The following ATP13A5 variants were observed in gnomAD, a reference collection of about 807,000 sequenced individuals.
The protein encoded by ATP13A5 is probable cation-transporting ATPase 13A5.
A neutral mutation model predicts 150.2 loss-of-function variants in ATP13A5; 149 were observed. The ratio of observed to expected loss-of-function variants is 0.99; its 90% confidence interval spans 0.87 to 1.14. ATP13A5 has a LOEUF of 1.14. ATP13A5 is among the 50% of genes most tolerant of loss of function. The pLI, the probability that ATP13A5 is intolerant of heterozygous loss-of-function variation, is 0.00. For synonymous variants in ATP13A5, 497 were observed against 522.2 expected, an observed-to-expected ratio of 0.95 and a Z score of 0.66; for missense variants, 1,383 against 1,449.3, an observed-to-expected ratio of 0.95 and a Z score of 0.74.
intron 9 of ATP13A5, among the ~76,000 whole-genome samples, chr3:193,336,647 T>C (rs1455243111): frequency 6.6e-6 from 1 of 152,230 alleles, no homozygotes; most frequent in African/African-American, 2.4e-5. Context: ...TGATGGGCAC[T>C]TGGGTTGGTT....
intron 21 of ATP13A5, among the ~76,000 whole-genome samples, chr3:193,308,346 C>T (rs1718700090): frequency 6.6e-6 from 1 of 152,086 alleles, no homozygotes; most frequent in African/African-American, 2.4e-5. Context: ...GTAATCTCAG[C>T]TACTTGGGAG....
chr3:193,302,682 TCTCTGCCCTAAAG>T (rs1718447737), intron 23 of ATP13A5, among the ~76,000 whole-genome samples: 1 of 152,166 alleles, frequency 6.6e-6, no homozygotes, highest in South Asian at 2.1e-4. Flanking sequence ...TAAGACACAG[TCTCTGCCCTAAAG>T]GACTTGAACT....
intron 8 of ATP13A5, among the ~76,000 whole-genome samples, 187 bp downstream of exon 8, chr3:193,344,816 G>T (rs972350879): frequency 2.6e-5 from 4 of 152,112 alleles, no homozygotes; most frequent in African/African-American, 9.7e-5. Context: ...GCAGCTGTGG[G>T]GTCAGCACTG....
chr3:193,320,521 A>G (rs1399773273), intron 16 of ATP13A5, among the ~76,000 whole-genome samples: 1 of 152,232 alleles, frequency 6.6e-6, no homozygotes, highest in East Asian at 1.9e-4. Flanking sequence ...AATGTCAAGA[A>G]GATGCTCAGC....
intron 7 of ATP13A5, among the ~76,000 whole-genome samples, chr3:193,347,218 A>G (rs1353248327): frequency 2.0e-5 from 3 of 152,212 alleles, no homozygotes; most frequent in African/African-American, 7.2e-5. Flanking sequence ...ATTTATAAAT[A>G]GTTTAAAACA....
At position 193,337,063 on chromosome 3, in the gene ATP13A5, C is replaced by T. The variant is rs920259535; in HGVS notation, c.944-1964G>A. Among the ~76,000 whole-genome samples, 762 of 152,162 alleles carry T rather than the reference C, an allele frequency of 5.0e-3. 6 individuals are homozygous for T. The highest frequency in any genetic ancestry group is 0.017 in the African/African-American group (687 of 41,526). The stretch of plus-strand genomic sequence containing the variant: ...TTGAGAAGTGTCTGTTCATATCCTT[C>T]GCCCACTTTTTGATGGGGTTGTTTG... On this transcript the variant is annotated intron_variant, in intron 9 of 29. Transcript: ENST00000342358.
At chr3:193,310,606 AG>A (rs1467533838) in intron 21 of ATP13A5, 31 bp downstream of exon 21, 3 of 1,530,052 alleles carry the variant, frequency 2.0e-6, no homozygotes, top group South Asian at 1.2e-5. Flanking sequence ...AGAGTTAATG[AG>A]CACACTCTTC....
At chr3:193,341,439 A>T (rs1235260153) in intron 9 of ATP13A5, among the ~76,000 whole-genome samples, 1 of 152,154 alleles carries the variant, frequency 6.6e-6, no homozygotes, top group Non-Finnish European at 1.5e-5. Flanking sequence ...GTTGGAAGAG[A>T]ATCCAACGGG....
intron 21 of ATP13A5, 86 bp downstream of exon 21, chr3:193,310,552 T>C: frequency 9.4e-7 from 1 of 1,060,326 alleles, no homozygotes; most frequent in Non-Finnish European, 1.4e-6. Flanking sequence ...TTTTTAATAA[T>C]AGCCATTCTG....
At chr3:193,373,204 T>A (rs1713513906) in intron 1 of ATP13A5, among the ~76,000 whole-genome samples, 1 of 152,198 alleles carries the variant, frequency 6.6e-6, no homozygotes, top group Non-Finnish European at 1.5e-5. Flanking sequence ...AATGGCGTGA[T>A]CTCGGCTCAC....
chr3:193,368,012 G>A (rs1374543849), intron 1 of ATP13A5, among the ~76,000 whole-genome samples: 2 of 148,942 alleles, frequency 1.3e-5, no homozygotes, highest in African/African-American at 4.9e-5. Context: ...GGAGGGGAGG[G>A]GAAGGGAGGG....
At chr3:193,304,484 G>C (rs1268809518) in intron 23 of ATP13A5, among the ~76,000 whole-genome samples, 1 of 152,120 alleles carries the variant, frequency 6.6e-6, no homozygotes, top group African/African-American at 2.4e-5. Context: ...GGACATGCTG[G>C]GGAACTTCAT....
At position 193,351,193 on chromosome 3, in the gene ATP13A5, A is replaced by T; in HGVS notation, c.615T>A (p.Asn205Lys). 1.2e-6 allele frequency: 2 copies of T among 1,613,704 alleles called. No individual in the cohort carries two copies. Among genetic ancestry groups the T allele is most frequent in the South Asian group, 2.2e-5 (2 of 91,046 alleles). Reference protein sequence around the residue: ...IWKLLVKQVLNPFYVFQAFTL... With the variant: ...IWKLLVKQVLKPFYVFQAFTL... ...TGAAGGCTTGGAACACATAGAATGGATTTAAAACCTGCAGGCACAAAAATG... is the reference window on the plus strand; with the variant it reads ...TGAAGGCTTGGAACACATAGAATGGTTTTAAAACCTGCAGGCACAAAAATG... Residue 205 changes from asparagine (N) to lysine (K), a missense_variant, in exon 7 of 30, where the codon AAT becomes AAA. Asn to Lys is a moderately conservative substitution (Grantham distance 94). Around this residue, in one of 3 missense-constraint regions of ATP13A5, gnomAD observed 787 missense variants for 771.9 expected, o/e 1.02. Transcript: ENST00000342358.
chr3:193,361,027 C>T (rs1462981558), intron 5 of ATP13A5, among the ~76,000 whole-genome samples: 3 of 152,050 alleles, frequency 2.0e-5, no homozygotes, highest in Non-Finnish European at 4.4e-5. Flanking sequence ...AAGTTTGGTG[C>T]TTGATAAATA....
At chr3:193,330,345 A>G (rs1711581214) in intron 12 of ATP13A5, among the ~76,000 whole-genome samples, 1 of 152,206 alleles carries the variant, frequency 6.6e-6, no homozygotes. Flanking sequence ...GGGACTCTCT[A>G]CCAGCATTGT....
At chr3:193,344,186 T>C in intron 8 of ATP13A5, 131 bp from the exon 9 acceptor site, 1 of 1,174,244 alleles carries the variant, frequency 8.5e-7, no homozygotes, top group South Asian at 1.7e-5. Flanking sequence ...GAAGCCCCTT[T>C]TTAGTCAATT....
chr3:193,291,092 T>C (rs1717933202), intron 25 of ATP13A5, among the ~76,000 whole-genome samples: 1 of 152,150 alleles, frequency 6.6e-6, no homozygotes, highest in Non-Finnish European at 1.5e-5. Context: ...ATAGTATTTC[T>C]TTGCTTTGTT....
intron 27 of ATP13A5, among the ~76,000 whole-genome samples, chr3:193,282,124 G>C (rs185673723): frequency 4.8e-4 from 73 of 152,088 alleles, no homozygotes; most frequent in African/African-American, 1.7e-3. Flanking sequence ...GATCCCGGGA[G>C]GTGAAGGTTG....
At position 193,345,003 on chromosome 3, in the gene ATP13A5, C is replaced by G; in HGVS notation, c.814G>C (p.Gly272Arg). ...GAAGATGGCCTAACACATCACTTAC[C>G]TTTGTCTTTTACAATGATTGTAACC... The part of the protein sequence containing the change: ...VQVTIIVKDK[G>R]LEELESRLLV... The change falls in exon 8 of 30, where the codon GGT becomes CGT. Residue 272 changes from glycine (G) to arginine (R), a missense_variant and splice_region_variant. Transcript: ENST00000342358. The G allele has an allele frequency of 6.2e-7, 1 of 1,612,926 alleles. No individual in the cohort carries two copies. Among genetic ancestry groups the G allele is most frequent in the Non-Finnish European group, 8.5e-7 (1 of 1,179,028 alleles).
Sources: gnomAD v4.1 joint callset for allele counts (sites outside exome capture counted in the v4.1 genomes callset) on GRCh38, gnomAD v4.1.1 for gene constraint, gnomAD v4.1.1 regional missense constraint, MANE v1.5 for transcripts, NCBI Gene and HGNC (gene_info 2026-07-23, HGNC 2026-07-21) for gene names.